Variants in TENM4 observed in about 807,000 individuals in gnomAD.
The protein encoded by TENM4 is teneurin-4.
TENM4 carries 82 observed loss-of-function variants against 243.3 expected under a neutral mutation model. That is an observed-to-expected ratio of 0.34 (90% confidence interval 0.28 to 0.40). The LOEUF (loss-of-function observed/expected upper bound fraction) is 0.40, where lower values mean the gene tolerates loss of function less well. Among genes scored for constraint, TENM4 ranks in the 10% least tolerant of loss-of-function variants. The pLI is 1.00. For synonymous variants in TENM4, 1,412 were observed against 1,456.3 expected (o/e 0.97, Z 0.69); for missense variants, 3,138 against 3,673.3 (o/e 0.85, Z 3.77).
intron 1 of TENM4, among the ~76,000 whole-genome samples, chr11:79,431,976 G>A (rs1196204481): frequency 1.3e-5 from 2 of 152,120 alleles, no homozygotes; most frequent in Middle Eastern, 3.2e-3. Flanking sequence ...TTCTATAACT[G>A]CACTGTCGAG....
intron 6 of TENM4, among the ~76,000 whole-genome samples, chr11:79,011,642 C>A (rs979421339): frequency 2.0e-5 from 3 of 152,242 alleles, no homozygotes; most frequent in African/African-American, 4.8e-5. Context: ...GTCTGCACCC[C>A]CGCTGGCTTG....
chr11:79,288,215 A>T (rs1276384485), intron 2 of TENM4, among the ~76,000 whole-genome samples: 3 of 152,198 alleles, frequency 2.0e-5, no homozygotes, highest in Non-Finnish European at 2.9e-5. Context: ...CCAGCCCTTT[A>T]CTTGGCTTCA....
intron 2 of TENM4, among the ~76,000 whole-genome samples, chr11:79,259,749 A>C (rs957793153): frequency 6.6e-6 from 1 of 152,180 alleles, no homozygotes; most frequent in African/African-American, 2.4e-5. Context: ...TCAATCACCA[A>C]GTATCCATTA....
At chr11:78,960,447 A>C (rs1374576876) in intron 6 of TENM4, among the ~76,000 whole-genome samples, 1 of 152,160 alleles carries the variant, frequency 6.6e-6, no homozygotes, top group Non-Finnish European at 1.5e-5. Context: ...GGGGGAACTC[A>C]AGCCAGTTCT....
At chr11:78,949,248 C>A (rs746782296) in intron 6 of TENM4, among the ~76,000 whole-genome samples, 3 of 152,188 alleles carry the variant, frequency 2.0e-5, no homozygotes, top group Non-Finnish European at 2.9e-5. Flanking sequence ...GCGTTTTGAA[C>A]CCTCAGCAGG....
At chr11:79,003,604 G>A (rs1426252117) in intron 6 of TENM4, among the ~76,000 whole-genome samples, 1 of 152,090 alleles carries the variant, frequency 6.6e-6, no homozygotes, top group East Asian at 1.9e-4. Context: ...AAATGGTAAG[G>A]GAATTTGCTA....
chr11:79,221,740 G>T (rs976852876), intron 2 of TENM4, among the ~76,000 whole-genome samples: 12 of 152,178 alleles, frequency 7.9e-5, no homozygotes, highest in African/African-American at 2.9e-4. Flanking sequence ...CACACAAGGG[G>T]AAATAAAGGC....
Position 78,714,225 on chromosome 11 carries a change from T to C in TENM4, c.3822-1511A>G, listed in dbSNP as rs561777409. Among the ~76,000 whole-genome samples the C allele has an allele frequency of 7.0e-4, 106 of 152,294 alleles. 1 individual carries two copies. Among genetic ancestry groups the C allele is most frequent in the African/African-American group, 2.4e-3 (100 of 41,564 alleles). ...TTGGGGTCCTTTTGAAAAGCAAAAT[T>C]TTATTTTACAGATTTGTGTTTTTTG... is the stretch of plus-strand genomic sequence containing the variant. On this transcript the variant is annotated intron_variant, in intron 25 of 33. Transcript: ENST00000278550.
At chr11:79,361,824 A>C (rs1857594989) in intron 1 of TENM4, among the ~76,000 whole-genome samples, 1 of 152,220 alleles carries the variant, frequency 6.6e-6, no homozygotes, top group South Asian at 2.1e-4. Flanking sequence ...TGGAAGTGGC[A>C]GTCAAATCAA....
At chr11:79,063,054 C>G (rs529733588) in intron 6 of TENM4, among the ~76,000 whole-genome samples, 1 of 152,184 alleles carries the variant, frequency 6.6e-6, no homozygotes. Context: ...AATTGCCACC[C>G]TCCCACCCCT....
chr11:78,874,386 TAATG>T (rs1487149458), intron 9 of TENM4, among the ~76,000 whole-genome samples: 1 of 152,184 alleles, frequency 6.6e-6, no homozygotes, highest in Non-Finnish European at 1.5e-5. Context: ...GCTTAATAGT[TAATG>T]AATGAAAGAA....
chr11:79,054,258 T>C (rs993885612), intron 6 of TENM4, among the ~76,000 whole-genome samples: 39 of 152,164 alleles, frequency 2.6e-4, no homozygotes, highest in African/African-American at 8.7e-4. Context: ...GGATTCCAGC[T>C]TTATCACTGT....
intron 1 of TENM4, among the ~76,000 whole-genome samples, chr11:79,405,479 TAAA>T (rs61042277): frequency 3.8e-5 from 5 of 132,688 alleles, no homozygotes; most frequent in Admixed American, 7.7e-5. Context: ...GCTTAGAATG[TAAA>T]AAAAAAAAAA....
chr11:79,272,700 C>T (rs550308798), intron 2 of TENM4, among the ~76,000 whole-genome samples: 42 of 152,192 alleles, frequency 2.8e-4, no homozygotes, highest in African/African-American at 8.2e-4. Flanking sequence ...GCATGCTCCC[C>T]ACCACCCCAA....
At chr11:79,295,863 T>G (rs967643483) in intron 2 of TENM4, among the ~76,000 whole-genome samples, 1 of 150,000 alleles carries the variant, frequency 6.7e-6, no homozygotes, top group Non-Finnish European at 1.5e-5. Flanking sequence ...TAAGTGTTTT[T>G]TTTTTTTAAT....
At chr11:79,186,954 T>C (rs958352417) in intron 3 of TENM4, among the ~76,000 whole-genome samples, 1 of 152,226 alleles carries the variant, frequency 6.6e-6, no homozygotes, top group East Asian at 1.9e-4. Context: ...GTATTTACAT[T>C]GCAGGTGATA....
At chr11:79,409,794 G>A (rs1350328287) in intron 1 of TENM4, among the ~76,000 whole-genome samples, 1 of 152,176 alleles carries the variant, frequency 6.6e-6, no homozygotes, top group Non-Finnish European at 1.5e-5. Flanking sequence ...CAACCAATGA[G>A]GAACATCTGT....
At chr11:79,168,472 G>A (rs1039654109) in intron 3 of TENM4, among the ~76,000 whole-genome samples, 8 of 152,102 alleles carry the variant, frequency 5.3e-5, no homozygotes, top group African/African-American at 1.7e-4. Context: ...AAAGTTGGCC[G>A]GGCAAAGAGT....
chr11:79,305,045 C>T (rs1476888738), intron 1 of TENM4, among the ~76,000 whole-genome samples: 1 of 152,190 alleles, frequency 6.6e-6, no homozygotes, highest in Non-Finnish European at 1.5e-5. Flanking sequence ...GAAACTTCTC[C>T]ACTCAGCAAC....
Sources: allele counts gnomAD v4.1 joint callset (sites outside exome capture counted in the v4.1 genomes callset), GRCh38; gene constraint gnomAD v4.1.1; transcripts MANE v1.5; gene names NCBI Gene and HGNC (gene_info 2026-07-23, HGNC 2026-07-21).